GRIA1: variants seen among roughly 807,000 people sequenced by gnomAD.
The protein encoded by GRIA1 is glutamate receptor 1.
A neutral mutation model predicts 99.2 loss-of-function variants in GRIA1; 31 were observed. The observed-to-expected ratio is 0.31, with a 90% confidence interval of 0.23 to 0.42. The LOEUF (loss-of-function observed/expected upper bound fraction) is 0.42. Ranked by LOEUF, GRIA1 falls within the 10% of genes least tolerant of loss-of-function variation. GRIA1 has a pLI of 1.00. For synonymous variants in GRIA1, 438 were observed against 432.4 expected, an observed-to-expected ratio of 1.01 and a Z score of -0.16; for missense variants, 782 against 1,157.5, an observed-to-expected ratio of 0.68 and a Z score of 4.71.
chr5:153,745,580 A>C lies in GRIA1; in HGVS notation c.1824-18854A>C, dbSNP rs1475565364. Among the ~76,000 whole-genome samples the C allele has an allele frequency of 2.1e-5, 3 of 140,998 alleles. No individual in the cohort carries two copies. The East Asian group carries it at 6.5e-4, about 30-fold the overall frequency. 92.5% of individuals were successfully genotyped at this position (140,998 alleles called of 152,430 possible). Reference sequence around the variant, plus strand: ...CTCCAGCCTGGGCAACAAAAGCAAAACTCTGTCTCAAAAAAAAAAAAAAAA... The same window carrying C: ...CTCCAGCCTGGGCAACAAAAGCAAACCTCTGTCTCAAAAAAAAAAAAAAAA... On this transcript the variant is annotated intron_variant, in intron 11 of 15. Coordinates refer to ENST00000285900, the MANE Select transcript of GRIA1 (RefSeq NM_000827.4).
chr5:153,539,375 G>C (rs1758863414), intron 2 of GRIA1, among the ~76,000 whole-genome samples: 1 of 152,170 alleles, frequency 6.6e-6, no homozygotes, highest in African/African-American at 2.4e-5. Context: ...AAGGTATGGA[G>C]ATAAATAATT....
intron 1 of GRIA1, chr5:153,492,256 C>T (rs954485650): frequency 1.4e-5 from 21 of 1,535,216 alleles, no homozygotes; most frequent in Admixed American, 5.9e-5. Context: ...CTTGGAGTGG[C>T]CATGGAGTAA....
intron 2 of GRIA1, among the ~76,000 whole-genome samples, chr5:153,617,244 G>A (rs912379311): frequency 7.9e-5 from 12 of 152,152 alleles, no homozygotes; most frequent in Admixed American, 2.0e-4. Context: ...ATCATGCTAC[G>A]CTCCTGTTTT....
At chr5:153,537,667 A>C (rs1018194352) in intron 2 of GRIA1, among the ~76,000 whole-genome samples, 1 of 152,214 alleles carries the variant, frequency 6.6e-6, no homozygotes, top group Non-Finnish European at 1.5e-5. Context: ...TGGTGTCAGA[A>C]CCAGGGTCTC....
At chr5:153,688,321 C>T (rs1468887974) in intron 8 of GRIA1, among the ~76,000 whole-genome samples, 1 of 152,206 alleles carries the variant, frequency 6.6e-6, no homozygotes, top group Non-Finnish European at 1.5e-5. Context: ...TACACAGACA[C>T]TCTTTCTGGG....
intron 2 of GRIA1, among the ~76,000 whole-genome samples, chr5:153,510,239 T>C (rs1755928699): frequency 6.6e-6 from 1 of 152,286 alleles, no homozygotes; most frequent in East Asian, 1.9e-4. Context: ...TATAGGGCAA[T>C]GTTGACTAAA....
At chr5:153,646,891 C>T in intron 2 of GRIA1, 37 bp from the exon 3 acceptor site, 1 of 1,601,068 alleles carries the variant, frequency 6.2e-7, no homozygotes, top group Non-Finnish European at 8.5e-7. Context: ...CCACTTTTTG[C>T]AGTCTTCTAT....
chr5:153,788,241 A>G (rs1384643234), intron 13 of GRIA1, among the ~76,000 whole-genome samples: 1 of 151,924 alleles, frequency 6.6e-6, no homozygotes, highest in East Asian at 1.9e-4. Flanking sequence ...CCCATAACCA[A>G]TCTATCTCCC....
chr5:153,537,123 T>A (rs1415928502), intron 2 of GRIA1, among the ~76,000 whole-genome samples: 2 of 152,182 alleles, frequency 1.3e-5, no homozygotes, highest in African/African-American at 4.8e-5. Flanking sequence ...TCTCCTAACA[T>A]TCCAAAGATA....
chr5:153,658,997 C>CAAACAA (rs1755161923), intron 5 of GRIA1, among the ~76,000 whole-genome samples: 1 of 141,432 alleles, frequency 7.1e-6, no homozygotes, highest in Admixed American at 6.9e-5. Flanking sequence ...AACAAACAAA[C>CAAACAA]AAAAAAAAAA....
At chr5:153,614,538 T>C (rs1224967493) in intron 2 of GRIA1, among the ~76,000 whole-genome samples, 1 of 152,230 alleles carries the variant, frequency 6.6e-6, no homozygotes, top group Non-Finnish European at 1.5e-5. Context: ...CAAGATTATA[T>C]GGCTGGAAAG....
chr5:153,812,820 T>C lies in GRIA1; in HGVS notation c.*1595T>C, dbSNP rs1434660916. 6.6e-6 allele frequency: 1 copy of C among 152,200 alleles called. No homozygotes were observed. The highest frequency in any genetic ancestry group is 1.5e-5 in the Non-Finnish European group (1 of 68,036). 9.4% of individuals were successfully genotyped at this position (152,200 alleles called of 1,614,324 possible). Reference sequence around the variant, plus strand: ...ATTCTTGGTGCAACTGGCTTCCAGCTCTCCAGCAGTCACTCTCCTAGGTGC... The same window carrying C: ...ATTCTTGGTGCAACTGGCTTCCAGCCCTCCAGCAGTCACTCTCCTAGGTGC... On this transcript the variant is annotated 3_prime_UTR_variant, in exon 16 of 16. Coordinates refer to ENST00000285900, the MANE Select transcript of GRIA1 (RefSeq NM_000827.4).
chr5:153,572,330 C>G (rs1278915213), intron 2 of GRIA1, among the ~76,000 whole-genome samples: 1 of 152,088 alleles, frequency 6.6e-6, no homozygotes, highest in East Asian at 1.9e-4. Flanking sequence ...TGAGATGACC[C>G]GCAAAGAGTA....
At position 153,578,585 on chromosome 5, in the gene GRIA1, A is replaced by C. The variant is rs189007612; in HGVS notation, c.221-68343A>C. On this transcript the variant is annotated intron_variant, in intron 2 of 15. Transcript: ENST00000285900. Reference sequence around the variant, plus strand: ...GAAGCCACTGGAAGGTCACAAGTAGAAAGGGATGTGGTCTCATCTGTTTTA... The same window carrying C: ...GAAGCCACTGGAAGGTCACAAGTAGCAAGGGATGTGGTCTCATCTGTTTTA... Among the ~76,000 whole-genome samples, 90 of 152,296 alleles carry C rather than the reference A, an allele frequency of 5.9e-4. 2 individuals are homozygous for C. The highest frequency in any genetic ancestry group is 2.1e-3 in the African/African-American group (87 of 41,570).
intron 2 of GRIA1, among the ~76,000 whole-genome samples, chr5:153,557,259 T>C (rs1561639888): frequency 6.6e-6 from 1 of 152,150 alleles, no homozygotes; most frequent in Non-Finnish European, 1.5e-5. Context: ...TTTAGAAGTC[T>C]ATTTTTATTT....
intron 11 of GRIA1, among the ~76,000 whole-genome samples, chr5:153,711,465 T>C (rs984547102): frequency 6.6e-6 from 1 of 151,898 alleles, no homozygotes; most frequent in African/African-American, 2.4e-5. Context: ...CAAGGGTGAG[T>C]CCAAGAGGGA....
At chr5:153,699,110 G>A (rs1260117002) in intron 10 of GRIA1, 37 bp downstream of exon 10, 3 of 1,452,130 alleles carry the variant, frequency 2.1e-6, no homozygotes, top group African/African-American at 1.4e-5. Flanking sequence ...AGAGGGCGGA[G>A]GCAGAGGGTT....
chr5:153,491,313 T>A, intron 1 of GRIA1: 1 of 1,202,710 alleles, frequency 8.3e-7, no homozygotes, highest in African/African-American at 1.5e-5. Flanking sequence ...TGGTAGATGG[T>A]GCTTGATTCC....
At chr5:153,794,494 A>G (rs953496512) in intron 13 of GRIA1, 127 bp from the exon 14 acceptor site, 9 of 687,054 alleles carry the variant, frequency 1.3e-5, no homozygotes, top group Non-Finnish European at 2.1e-5. Context: ...GGGGCAGGGC[A>G]TCCTCAGGTC....
Sources: allele counts gnomAD v4.1 joint callset (sites outside exome capture counted in the v4.1 genomes callset), GRCh38; gene constraint gnomAD v4.1.1; transcripts MANE v1.5; gene names NCBI Gene and HGNC (gene_info 2026-07-23, HGNC 2026-07-21).